Variants in BDKRB2 observed in about 807,000 individuals in gnomAD.
BDKRB2 encodes B2 bradykinin receptor.
A neutral mutation model predicts 4.0 loss-of-function variants in BDKRB2; 6 were observed. The observed-to-expected ratio is 1.49, with a 90% CI of 0.81 to 2.93. BDKRB2 has a LOEUF of 2.93. BDKRB2 is among the 30% of genes most tolerant of loss of function. The pLI is 0.00. For synonymous variants in BDKRB2, 225 were observed against 215.3 expected, an observed-to-expected ratio of 1.05 and a Z score of -0.40; for missense variants, 478 against 520.1, an observed-to-expected ratio of 0.92 and a Z score of 0.79.
Position 96,219,719 on chromosome 14 carries a change from A to G in BDKRB2, c.-40+14760A>G, listed in dbSNP as rs556811178. Among the ~76,000 whole-genome samples, 322 of 152,188 alleles carry G rather than the reference A, an allele frequency of 2.1e-3. 3 individuals carry two copies. Among genetic ancestry groups the G allele is most frequent in the African/African-American group, 7.2e-3 (297 of 41,456 alleles). ...GTCGTAGGCCAGGCCCAGTGCTAAG[A>G]GGTGGGGACACAGTGGAGGGAAGAC... is the stretch of plus-strand genomic sequence containing the variant. On this transcript the variant is annotated intron_variant, in intron 1 of 2. Transcript: ENST00000554311.
At position 96,241,119 on chromosome 14, in the gene BDKRB2, C is replaced by T. The variant is rs146453096; in HGVS notation, c.791C>T (p.Thr264Ile). ...ATGCAGAAGTTCAAGGAGATCCAGA[C>T]AGAGAGGAGGGCCACGGTGCTAGTC... is the stretch of plus-strand genomic sequence containing the variant. ...NEMQKFKEIQ[T>I]ERRATVLVLV... The change falls in exon 3 of 3, where the codon ACA (threonine) becomes ATA (isoleucine). Residue 264 changes from threonine (T) to isoleucine (I), a missense_variant. Thr to Ile is a moderately conservative substitution (Grantham distance 89). Transcript: ENST00000554311. The T allele has an allele frequency of 1.2e-4, 196 of 1,613,614 alleles. No homozygotes were observed. The highest frequency in any genetic ancestry group is 8.5e-4 in the East Asian group (38 of 44,870).
intron 1 of BDKRB2, among the ~76,000 whole-genome samples, chr14:96,217,196 T>C (rs1241455163): frequency 6.6e-6 from 1 of 152,206 alleles, no homozygotes; most frequent in Non-Finnish European, 1.5e-5. Context: ...ACTGATGGTG[T>C]GTGACAATCG....
chr14:96,223,991 G>T (rs2139781218), intron 1 of BDKRB2, among the ~76,000 whole-genome samples: 1 of 152,194 alleles, frequency 6.6e-6, no homozygotes, highest in East Asian at 1.9e-4. Flanking sequence ...GATAGTTGAT[G>T]CCATTTAGGA....
At chr14:96,210,186 C>T (rs983397914) in intron 1 of BDKRB2, among the ~76,000 whole-genome samples, 2 of 152,106 alleles carry the variant, frequency 1.3e-5, no homozygotes, top group Admixed American at 6.5e-5. Context: ...GGCAAAGATC[C>T]TGGGGCCCAC....
chr14:96,240,181 A>G lies in BDKRB2; in HGVS notation c.75-222A>G, dbSNP rs2242967. 7.6e-4 allele frequency: 976 copies of G among 1,280,478 alleles called. 9 individuals carry two copies. In the African/African-American group the frequency reaches 0.014, roughly 18 times the overall value. The allele number at this position is 1,280,478 out of a possible 1,614,324, so 79.3% of individuals were successfully genotyped here. ...ATATCCCAGTGGAGCCTCGAGATGA[A>G]GAACATGAGGCCCCCGTTTAGATCC... is the stretch of plus-strand genomic sequence containing the variant. On this transcript the variant is annotated intron_variant, in intron 2 of 2. Transcript: ENST00000554311.
intron 1 of BDKRB2, among the ~76,000 whole-genome samples, chr14:96,205,268 GAC>G (rs1890148375): frequency 6.6e-6 from 1 of 152,172 alleles, no homozygotes; most frequent in African/African-American, 2.4e-5. Flanking sequence ...ACTTTGAGTG[GAC>G]ACCTTGGAGT....
At chr14:96,212,609 G>A (rs1890326314) in intron 1 of BDKRB2, among the ~76,000 whole-genome samples, 3 of 152,162 alleles carry the variant, frequency 2.0e-5, no homozygotes, top group Non-Finnish European at 4.4e-5. Context: ...AGAATAAGTT[G>A]ATGGCAGAGA....
At chr14:96,238,871 AGGCAG>A in intron 2 of BDKRB2, 1 of 986,810 alleles carries the variant, frequency 1.0e-6, no homozygotes, top group Non-Finnish European at 1.2e-6. Context: ...GTCAGGAGTC[AGGCAG>A]GGCAGGGGCC....
chr14:96,230,074 C>A (rs553208733), intron 1 of BDKRB2, among the ~76,000 whole-genome samples: 1 of 151,510 alleles, frequency 6.6e-6, no homozygotes, highest in Non-Finnish European at 1.5e-5. Context: ...GCAGAGCTTG[C>A]AGTGAGCCGA....
At chr14:96,233,119 C>T (rs75139981) in intron 1 of BDKRB2, among the ~76,000 whole-genome samples, 4,721 of 152,238 alleles carry the variant, frequency 0.031, 173 homozygotes, top group East Asian at 0.16. Context: ...TCGATCACCC[C>T]GGGCTCAGCT....
chr14:96,236,836 C>T (rs1890946472), intron 1 of BDKRB2, among the ~76,000 whole-genome samples: 1 of 152,204 alleles, frequency 6.6e-6, no homozygotes, highest in Non-Finnish European at 1.5e-5. Context: ...CTTGATTTTT[C>T]ACTGTACTCA....
At chr14:96,239,602 A>G (rs1343432646) in intron 2 of BDKRB2, 6 of 984,078 alleles carry the variant, frequency 6.1e-6, no homozygotes, top group East Asian at 2.3e-4. Context: ...ACTAATGTTT[A>G]TTGAGCCTAG....
At chr14:96,216,027 G>A (rs1890409446) in intron 1 of BDKRB2, among the ~76,000 whole-genome samples, 1 of 152,206 alleles carries the variant, frequency 6.6e-6, no homozygotes, top group Non-Finnish European at 1.5e-5. Context: ...AGGCCTGCAG[G>A]TCAGACTCAC....
At chr14:96,238,722 C>T (rs924475648) in intron 2 of BDKRB2, 7 of 981,594 alleles carry the variant, frequency 7.1e-6, no homozygotes, top group South Asian at 9.4e-5. Flanking sequence ...CCTTCTTGTC[C>T]CGTCAAAATG....
At chr14:96,230,753 A>G (rs559034784) in intron 1 of BDKRB2, among the ~76,000 whole-genome samples, 28 of 151,834 alleles carry the variant, frequency 1.8e-4, no homozygotes, top group Non-Finnish European at 3.7e-4. Context: ...AGTAGCTGGG[A>G]TTATAGGCAC....
Position 96,240,788 on chromosome 14 carries a change from G to A in BDKRB2, c.460G>A (p.Asp154Asn), listed in dbSNP as rs777611379. Residue 154 changes from aspartate (D) to asparagine (N), a missense_variant, in exon 3 of 3, where the codon GAC becomes AAC. Physicochemically the swap from Asp to Asn is conservative, Grantham distance 23 (BLOSUM62 1). Transcript: ENST00000554311. Reference sequence around the variant, plus strand: ...CTGTTTCCTGATGCTGGTGAGCATCGACCGCTACCTGGCCCTGGTGAAAAC... The same window carrying A: ...CTGTTTCCTGATGCTGGTGAGCATCAACCGCTACCTGGCCCTGGTGAAAAC... ...SICFLMLVSI[D>N]RYLALVKTMS... 5 of 1,556,026 alleles carry A rather than the reference G, an allele frequency of 3.2e-6. No individual in the cohort carries two copies. Among genetic ancestry groups the A allele is most frequent in the Admixed American group, 1.9e-5 (1 of 51,860 alleles).
rs765832484 is a variant in BDKRB2, at chr14:96,216,703, GA to G, written c.-40+11746del. On this transcript the variant is annotated intron_variant, in intron 1 of 2. Coordinates refer to ENST00000554311, the MANE Select transcript of BDKRB2 (RefSeq NM_001379692.1). ...AAGGAGGAGGAGGAGGAAGGAGGAG[GA>G]AGGAGGAGGAAGAGGAAGGAGGAGG... Among the ~76,000 whole-genome samples, 695 of 121,008 alleles carry G rather than the reference GA, an allele frequency of 5.7e-3. 9 individuals carry two copies. Among genetic ancestry groups the G allele is most frequent in the African/African-American group, 0.02 (625 of 31,260 alleles). 79.4% of individuals were successfully genotyped at this position (121,008 alleles called of 152,430 possible). A position where few individuals can be genotyped will look rare whatever the true frequency, so the allele number is the denominator to read the frequency against.
chr14:96,210,752 G>A (rs1890284283), intron 1 of BDKRB2: 1 of 152,168 alleles, frequency 6.6e-6, no homozygotes, highest in Non-Finnish European at 1.5e-5. Context: ...CTTTCCCTTT[G>A]GCATAAAGAG....
chr14:96,207,193 G>A (rs1396738761), intron 1 of BDKRB2, among the ~76,000 whole-genome samples: 2 of 152,168 alleles, frequency 1.3e-5, no homozygotes, highest in African/African-American at 4.8e-5. Context: ...ATCCGCTCAA[G>A]CTGCCTCCTC....
Sources: gnomAD v4.1 joint callset for allele counts (sites outside exome capture counted in the v4.1 genomes callset) on GRCh38, gnomAD v4.1.1 for gene constraint, MANE v1.5 for transcripts, NCBI Gene and HGNC (gene_info 2026-07-23, HGNC 2026-07-21) for gene names.